Variants in NBPF9 observed in about 807,000 individuals in gnomAD.
The protein encoded by NBPF9 is NBPF family member NBPF9.
A neutral mutation model predicts 97.8 loss-of-function variants in NBPF9; 91 were observed. That is an observed-to-expected ratio of 0.93 (90% CI 0.79 to 1.11). NBPF9 has a LOEUF of 1.11. Among genes scored for constraint, NBPF9 ranks in the 50% least tolerant of loss-of-function variants. The probability of loss-of-function intolerance (pLI) is 0.00; values close to 1 mark genes in which losing one functional copy is unlikely to be tolerated. For missense variants in NBPF9, 992 were observed against 939.5 expected, an observed-to-expected ratio of 1.06 and a Z score of -0.73; for synonymous variants, 334 against 359.5, an observed-to-expected ratio of 0.93 and a Z score of 0.80.
intron 11 of NBPF9, among the ~76,000 whole-genome samples, 195 bp from the exon 12 acceptor site, chr1:149,076,059 C>A (rs1575843530): frequency 6.6e-6 from 1 of 152,138 alleles, no homozygotes; most frequent in African/African-American, 2.4e-5. Context: ...ACCTTGAAAC[C>A]AAGACATAAA....
chr1:149,072,901 G>C (rs782319969), exon 14 of NBPF9: 1 of 1,607,012 alleles, frequency 6.2e-7, no homozygotes, highest in Non-Finnish European at 8.5e-7. Flanking sequence ...GTCAGCTCTC[G>C]TTCCTGAGCG....
At chr1:149,055,495 C>G (rs1365965468) in exon 30 of NBPF9, 13 of 1,501,140 alleles carry the variant, frequency 8.7e-6, no homozygotes, top group Non-Finnish European at 1.2e-5. Flanking sequence ...TCAGACTGAG[C>G]ACAGGTTGCC....
In NBPF9 at chr1:149,064,005, C is replaced by G. The variant is rs1281415451; in HGVS notation, c.1854-200G>C. On this transcript the variant is annotated intron_variant, in intron 19 of 29. Coordinates refer to ENST00000584027, the Ensembl canonical transcript of NBPF9. Reference sequence around the variant, plus strand: ...GATGAAAGAGAAAGACACACACACACACACAGACACAGACACACACACACA... The same window carrying G: ...GATGAAAGAGAAAGACACACACACAGACACAGACACAGACACACACACACA... Among the ~76,000 whole-genome samples, 597 of 77,008 alleles carry G rather than the reference C, an allele frequency of 7.8e-3. 40 individuals are homozygous for G. Among genetic ancestry groups the G allele is most frequent in the Non-Finnish European group, 0.013 (476 of 36,186 alleles). The allele number at this position is 77,008 out of a possible 152,430, so 50.5% of individuals were successfully genotyped here. A position where few individuals can be genotyped will look rare whatever the true frequency, so the allele number is the denominator to read the frequency against.
Position 149,067,316 on chromosome 1 carries a change from A to G in NBPF9, c.1638-1627T>C, listed in dbSNP as rs1362733288. 1.9e-4 allele frequency among the ~76,000 whole-genome samples: 23 copies of G among 120,202 alleles called. 2 individuals are homozygous for G. Among genetic ancestry groups the G allele is most frequent in the Admixed American group, 1.9e-3 (23 of 12,192 alleles). The allele number at this position is 120,202 out of a possible 152,430, so 78.9% of individuals were successfully genotyped here. A position where few individuals can be genotyped will look rare whatever the true frequency, so the allele number is the denominator to read the frequency against. On this transcript the variant is annotated intron_variant, in intron 17 of 29. Coordinates refer to ENST00000584027, the Ensembl canonical transcript of NBPF9. ...TTTGTGTGTATGTGTATATATATAT[A>G]TATATTTTTAATACTTTAAGTCTTA...
intron 19 of NBPF9, 116 bp downstream of exon 19, chr1:149,064,315 A>C (rs2152877619): frequency 1.3e-6 from 1 of 785,934 alleles, no homozygotes; most frequent in South Asian, 1.5e-5. Flanking sequence ...TAGTAGGCAT[A>C]ATTCATACTT....
At chr1:149,058,790 C>A (rs1181371834) in intron 26 of NBPF9, 135 bp downstream of exon 26, 12 of 674,376 alleles carry the variant, frequency 1.8e-5, no homozygotes, top group Admixed American at 4.4e-5. Flanking sequence ...AGTTTCATTA[C>A]AACCTATATG....
chr1:149,063,568 G>A (rs2078786351), intron 20 of NBPF9, 65 bp downstream of exon 20: 3 of 616,358 alleles, frequency 4.9e-6, no homozygotes, highest in East Asian at 3.8e-5. Flanking sequence ...GCCACTTGCA[G>A]TAGGAATATG....
At chr1:149,062,984 A>T in intron 20 of NBPF9, 71 bp from the exon 21 acceptor site, 4 of 712,412 alleles carry the variant, frequency 5.6e-6, no homozygotes, top group Admixed American at 3.9e-5. Flanking sequence ...CCACTGTCTA[A>T]TCCTCACACA....
intron 14 of NBPF9, among the ~76,000 whole-genome samples, chr1:149,072,257 T>A (rs1248711799): frequency 1.3e-5 from 2 of 151,918 alleles, no homozygotes. Context: ...CAGTTGTAAG[T>A]GTTCCCACAT....
chr1:149,059,344 C>G, intron 25 of NBPF9: 1 of 461,816 alleles, frequency 2.2e-6, no homozygotes, highest in Non-Finnish European at 4.0e-6. Flanking sequence ...GGCCGGGTGA[C>G]ACACTGATGA....
chr1:149,090,107 A>G (rs1334954040), intron 5 of NBPF9: 2 of 150,628 alleles, frequency 1.3e-5, no homozygotes, highest in Non-Finnish European at 2.9e-5. Flanking sequence ...CTTCACCACA[A>G]CAATCTCCAA....
At chr1:149,099,676 A>G (rs2082017611) in intron 3 of NBPF9, among the ~76,000 whole-genome samples, 1 of 152,208 alleles carries the variant, frequency 6.6e-6, no homozygotes, top group Non-Finnish European at 1.5e-5. Flanking sequence ...TAAATTAGAA[A>G]AACATAAAAA....
chr1:149,056,712 G>A, intron 28 of NBPF9, 92 bp from the exon 29 acceptor site: 1 of 18,274 alleles, frequency 5.5e-5, no homozygotes, highest in Admixed American at 3.1e-4. Context: ...GGGACCTCAG[G>A]CTCCTCAGCA....
At chr1:149,071,026 G>C (rs1430129223) in exon 16 of NBPF9, 1 of 1,611,626 alleles carries the variant, frequency 6.2e-7, no homozygotes, top group Non-Finnish European at 8.5e-7. Flanking sequence ...TGTGATTTTG[G>C]TTTTCCTATG....
intron 4 of NBPF9, among the ~76,000 whole-genome samples, chr1:149,095,623 CA>C (rs373341524): frequency 0.49 from 49,836 of 102,066 alleles, 9,189 homozygotes; most frequent in East Asian, 0.67. Context: ...CAACACAAAG[CA>C]AAAAAAAAAA....
In NBPF9 at chr1:149,067,923, A is replaced by T. The variant is rs1366848028; in HGVS notation, c.1637+1671T>A. Among the ~76,000 whole-genome samples, 7 of 145,574 alleles carry T rather than the reference A, an allele frequency of 4.8e-5. 1 individual carries two copies. The East Asian group carries it at 1.0e-3, about 21-fold the overall frequency. On this transcript the variant is annotated intron_variant, in intron 17 of 29. Coordinates refer to ENST00000584027, the Ensembl canonical transcript of NBPF9. Reference sequence around the variant, plus strand: ...AATCGTTGAACTAGTTTACAGTCCCACCAACAGTGTAAAAGTGTTCCTATT... The same window carrying T: ...AATCGTTGAACTAGTTTACAGTCCCTCCAACAGTGTAAAAGTGTTCCTATT...
chr1:149,083,152 G>GATTGT (rs1243642623), intron 5 of NBPF9, among the ~76,000 whole-genome samples: 19 of 149,136 alleles, frequency 1.3e-4, no homozygotes, highest in Non-Finnish European at 2.7e-4. Flanking sequence ...TAATTTGTTT[G>GATTGT]ATTGTGTTTT....
chr1:149,055,717 A>C (rs782043792), exon 30 of NBPF9: 1 of 1,611,946 alleles, frequency 6.2e-7, no homozygotes, highest in Admixed American at 1.7e-5. Flanking sequence ...CGTCAAAGTA[A>C]AAAACCTATT....
chr1:149,083,196 T>A (rs1332109365), intron 5 of NBPF9, among the ~76,000 whole-genome samples: 1 of 142,928 alleles, frequency 7.0e-6, no homozygotes, highest in Non-Finnish European at 1.5e-5. Flanking sequence ...CCAAGTAATA[T>A]CCTATTGATT....
Sources: gnomAD v4.1 joint callset for allele counts (sites outside exome capture counted in the v4.1 genomes callset) on GRCh38, gnomAD v4.1.1 for gene constraint, MANE v1.5 for transcripts, NCBI Gene and HGNC (gene_info 2026-07-23, HGNC 2026-07-21) for gene names.